The following GPR162 variants were observed in gnomAD, a reference collection of about 807,000 sequenced individuals.
The protein encoded by GPR162 is probable G protein-coupled receptor 162.
A neutral mutation model predicts 44.9 loss-of-function variants in GPR162; 26 were observed. The ratio of observed to expected loss-of-function variants is 0.58; its 90% CI spans 0.42 to 0.80. The LOEUF (loss-of-function observed/expected upper bound fraction) is 0.80, where lower values mean the gene tolerates loss of function less well. GPR162 is among the 30% of genes least tolerant of loss of function. The pLI is 0.00. For missense variants in GPR162, 704 were observed against 802.3 expected, an observed-to-expected ratio of 0.88 and a Z score of 1.48; for synonymous variants, 363 against 335.2, an observed-to-expected ratio of 1.08 and a Z score of -0.91.
chr12:6,825,732 G>A lies in GPR162; in HGVS notation c.1057+59G>A, dbSNP rs1943345682. On this transcript the variant is annotated intron_variant, in intron 3 of 4. Coordinates refer to ENST00000311268, the MANE Select transcript of GPR162 (RefSeq NM_019858.2). ...ACATCTGTCTATTCCCTTTTCTGCC[G>A]CTCCTTCTCAGCCAGAGGATGGGCT... 12 of 1,426,114 alleles carry A rather than the reference G, an allele frequency of 8.4e-6. No homozygotes were observed. In the South Asian group the frequency reaches 1.5e-4, roughly 18 times the overall value. 88.3% of individuals were successfully genotyped at this position (1,426,114 alleles called of 1,614,324 possible).
rs1384227676 is a variant in GPR162 at position 6,822,239 on chromosome 12, T to C, written c.-432+339T>C. 3.3e-5 allele frequency among the ~76,000 whole-genome samples: 5 copies of C among 152,006 alleles called. No individual in the cohort carries two copies. Among genetic ancestry groups the C allele is most frequent in the Non-Finnish European group, 5.9e-5 (4 of 67,972 alleles). The stretch of plus-strand genomic sequence containing the variant: ...CCTGAGCCCACCAGCTGGGCCTGGG[T>C]GGAGGTGGGTGGGAAGGGGTCCAGG... On this transcript the variant is annotated intron_variant, in intron 1 of 4. Coordinates refer to ENST00000311268, the MANE Select transcript of GPR162 (RefSeq NM_019858.2). This position sits in a 1 kb window ranked among gnomAD's most constrained non-coding sequence, Gnocchi z 4.2.
At position 6,826,756 on chromosome 12, in the gene GPR162, G is replaced by A. The variant is rs202234706; in HGVS notation, c.1319G>A (p.Arg440Gln). ...LHKWSSSDDI[R>Q]VLPAQSRALG... ...AAGTGGTCATCCTCTGATGACATCC[G>A]GGTCCTCCCAGCCCAGAGCCGGGCC... is the stretch of plus-strand genomic sequence containing the variant. The change falls in exon 5 of 5, where the codon CGG becomes CAG. Residue 440 changes from arginine (R) to glutamine (Q), a missense_variant. Around this residue, in one of 6 missense-constraint regions of GPR162, gnomAD observed 404 missense variants for 314.1 expected, o/e 1.29. Coordinates refer to ENST00000311268, the MANE Select transcript of GPR162 (RefSeq NM_019858.2). The A allele has an allele frequency of 1.8e-5, 29 of 1,604,676 alleles. No individual in the cohort carries two copies. The highest frequency in any genetic ancestry group is 1.2e-4 in the Admixed American group (7 of 58,246).
At position 6,824,880 on chromosome 12, in the gene GPR162, T is replaced by A. The variant is rs1437749186; in HGVS notation, c.867+115T>A. ...CTCCGTCATCTCTCCTCCAGTTCCATCATCCATCTTCCTCTCCTCTGTCCA... is the reference window on the plus strand; with the variant it reads ...CTCCGTCATCTCTCCTCCAGTTCCAACATCCATCTTCCTCTCCTCTGTCCA... On this transcript the variant is annotated intron_variant, in intron 2 of 4. Transcript: ENST00000311268. 4 of 816,848 alleles carry A rather than the reference T, an allele frequency of 4.9e-6. No individual in the cohort carries two copies. The African/African-American group carries it at 6.7e-5, about 14-fold the overall frequency. 50.6% of individuals were successfully genotyped at this position (816,848 alleles called of 1,614,324 possible).
rs782191370 is a variant in GPR162 at position 6,825,466 on chromosome 12, G to A, written c.868-18G>A. Reference sequence around the variant, plus strand: ...CTCAGCTCTGGCCCTGACCCAGCCCGCTCCCACCCTTCCCCAGGTGGTGAG... The same window carrying A: ...CTCAGCTCTGGCCCTGACCCAGCCCACTCCCACCCTTCCCCAGGTGGTGAG... On this transcript the variant is annotated intron_variant, in intron 2 of 4. Coordinates refer to ENST00000311268, the MANE Select transcript of GPR162 (RefSeq NM_019858.2). 2.5e-5 allele frequency: 40 copies of A among 1,576,500 alleles called. No individual in the cohort carries two copies. Among genetic ancestry groups the A allele is most frequent in the East Asian group, 2.5e-4 (11 of 43,534 alleles).
Position 6,826,255 on chromosome 12 carries a change from G to C in GPR162, c.1117G>C (p.Gly373Arg), listed in dbSNP as rs782634175. Reference sequence around the variant, plus strand: ...TTGCAAAGTTCGCTTTGATGCTAACGGAGCCACAGGACCAGGGAGCCGGGA... The same window carrying C: ...TTGCAAAGTTCGCTTTGATGCTAACCGAGCCACAGGACCAGGGAGCCGGGA... Reference protein sequence around the residue: ...RVCKVRFDANGATGPGSRDPA... With the variant: ...RVCKVRFDANRATGPGSRDPA... Residue 373 changes from glycine (G) to arginine (R), a missense_variant, in exon 4 of 5, where the codon GGA (glycine) becomes CGA (arginine). Gly to Arg is a moderately radical substitution (Grantham distance 125). Around this residue, in one of 6 missense-constraint regions of GPR162, gnomAD observed 404 missense variants for 314.1 expected, o/e 1.29. Coordinates refer to ENST00000311268, the MANE Select transcript of GPR162 (RefSeq NM_019858.2). 1.2e-6 allele frequency: 2 copies of C among 1,613,854 alleles called. No individual in the cohort carries two copies. Among genetic ancestry groups the C allele is most frequent in the African/African-American group, 1.3e-5 (1 of 74,912 alleles).
chr12:6,826,586 C>T (rs1397051299), intron 4 of GPR162, 67 bp from the exon 5 acceptor site: 17 of 1,395,626 alleles, frequency 1.2e-5, no homozygotes, highest in Admixed American at 2.3e-5. Flanking sequence ...TCCGGAGTCC[C>T]CACTTGGTTC....
At position 6,826,803 on chromosome 12, in the gene GPR162, C is replaced by T. The variant is rs372753671; in HGVS notation, c.1366C>T (p.Leu456=). ...GGCCCTCGGGGGTCCTCCTGAGTAC[C>T]TGGGACAAAGACACAGGTTGGAGGA... is the stretch of plus-strand genomic sequence containing the variant. The part of the protein sequence containing the change: ...SRALGGPPEY[L]GQRHRLEDEE... Residue 456 remains leucine, a synonymous_variant, in exon 5 of 5, where the codon CTG becomes TTG. Coordinates refer to ENST00000311268, the MANE Select transcript of GPR162 (RefSeq NM_019858.2). 2.0e-5 allele frequency: 33 copies of T among 1,610,264 alleles called. No individual in the cohort carries two copies. Among genetic ancestry groups the T allele is most frequent in the African/African-American group, 2.7e-5 (2 of 74,824 alleles).
In GPR162 at chr12:6,822,469, A is replaced by G. The variant is rs1041304085; in HGVS notation, c.-432+569A>G. On this transcript the variant is annotated intron_variant, in intron 1 of 4. Coordinates refer to ENST00000311268, the MANE Select transcript of GPR162 (RefSeq NM_019858.2). This position sits in a 1 kb window ranked among gnomAD's most constrained non-coding sequence, Gnocchi z 4.2. Reference sequence around the variant, plus strand: ...CACTGCTGTGCCCCATTTTTACCCCACTTACCCTAAAGCCATTATGTGCTT... The same window carrying G: ...CACTGCTGTGCCCCATTTTTACCCCGCTTACCCTAAAGCCATTATGTGCTT... Among the ~76,000 whole-genome samples, 2 of 151,936 alleles carry G rather than the reference A, an allele frequency of 1.3e-5. No homozygotes were observed. Among genetic ancestry groups the G allele is most frequent in the African/African-American group, 4.8e-5 (2 of 41,322 alleles).
intron 2 of GPR162, chr12:6,825,155 G>A (rs1221227263): frequency 1.1e-5 from 6 of 531,754 alleles, no homozygotes; most frequent in African/African-American, 9.6e-5. Flanking sequence ...TGGTCTCTGA[G>A]CACTCTTGGC....
In GPR162 at chr12:6,826,350, A is replaced by G. The variant is rs1439759662; in HGVS notation, c.1212A>G (p.Leu404=). ...LFPPLERVHY[L]QVPLSRRLSH... ...CTCCTCTTGAGAGAGTCCACTACTTACAGGTATGGAACTGGGGGATACATC... is the reference window on the plus strand; with the variant it reads ...CTCCTCTTGAGAGAGTCCACTACTTGCAGGTATGGAACTGGGGGATACATC... The change falls in exon 4 of 5, where the codon TTA becomes TTG. Residue 404 remains leucine (L), a synonymous_variant. Transcript: ENST00000311268. 13 of 1,611,492 alleles carry G rather than the reference A, an allele frequency of 8.1e-6. No homozygotes were observed. The highest frequency in any genetic ancestry group is 1.0e-5 in the Non-Finnish European group (12 of 1,179,088).
At chr12:6,825,460 C>G (rs781871861) in intron 2 of GPR162, 24 bp from the exon 3 acceptor site, 1 of 1,557,424 alleles carries the variant, frequency 6.4e-7, no homozygotes, top group East Asian at 2.3e-5. Context: ...GGCCCTGACC[C>G]AGCCCGCTCC....
chr12:6,824,515 T>C lies in GPR162; in HGVS notation c.617T>C (p.Leu206Pro). The C allele has an allele frequency of 1.3e-6, 2 of 1,520,994 alleles. No homozygotes were observed. The highest frequency in any genetic ancestry group is 1.8e-6 in the Non-Finnish European group (2 of 1,126,892). The allele number at this position is 1,520,994 out of a possible 1,614,324, so 94.2% of individuals were successfully genotyped here. A position where few individuals can be genotyped will look rare whatever the true frequency, so the allele number is the denominator to read the frequency against. ...GTGGCCATCACCTTCTACCAGACAC[T>C]GTGGGCCCGGCCCCGGAGGGCTCGG... ...VCVAITFYQT[L>P]WARPRRARQA... Residue 206 changes from leucine to proline, a missense_variant, in exon 2 of 5, where the codon CTG becomes CCG. Physicochemically the swap from Leu to Pro is moderately conservative, Grantham distance 98 (BLOSUM62 -3). Around this residue, in one of 6 missense-constraint regions of GPR162, gnomAD observed 12 missense variants for 46.6 expected, o/e 0.26. Transcript: ENST00000311268.
rs1555120191 is a variant in GPR162 at position 6,826,752 on chromosome 12, A to G, written c.1315A>G (p.Ile439Val). The change falls in exon 5 of 5, where the codon ATC becomes GTC. Residue 439 changes from isoleucine (I) to valine (V), a missense_variant. Transcript: ENST00000311268. ...FLHKWSSSDD[I>V]RVLPAQSRAL... is the part of the protein sequence containing the mutation. The stretch of plus-strand genomic sequence containing the variant: ...GCACAAGTGGTCATCCTCTGATGAC[A>G]TCCGGGTCCTCCCAGCCCAGAGCCG... The G allele has an allele frequency of 1.2e-6, 2 of 1,604,422 alleles. No homozygotes were observed. Among genetic ancestry groups the G allele is most frequent in the East Asian group, 2.2e-5 (1 of 44,802 alleles).
chr12:6,822,536 T>C lies in GPR162; in HGVS notation c.-432+636T>C, dbSNP rs1264813664. Reference sequence around the variant, plus strand: ...TGTTCAGGGTTTCACCCGATTCCCTTACCCCCCTTCCCAGGGCTCACTGAA... The same window carrying C: ...TGTTCAGGGTTTCACCCGATTCCCTCACCCCCCTTCCCAGGGCTCACTGAA... On this transcript the variant is annotated intron_variant, in intron 1 of 4. Transcript: ENST00000311268. This position sits in a 1 kb window ranked among gnomAD's most constrained non-coding sequence, Gnocchi z 4.2. 1.3e-5 allele frequency among the ~76,000 whole-genome samples: 2 copies of C among 152,064 alleles called. No individual in the cohort carries two copies. Among genetic ancestry groups the C allele is most frequent in the East Asian group, 3.9e-4 (2 of 5,174 alleles).
At position 6,826,968 on chromosome 12, in the gene GPR162, G is replaced by C. The variant is rs1943370024; in HGVS notation, c.1531G>C (p.Glu511Gln). The C allele has an allele frequency of 1.9e-6, 3 of 1,613,360 alleles. No homozygotes were observed. The East Asian group carries it at 6.7e-5, about 36-fold the overall frequency. ...GGAGGAGATCACCACCTTCATCGATGAGACACCTCTGCCTTCTCCGACTGC... is the reference window on the plus strand; with the variant it reads ...GGAGGAGATCACCACCTTCATCGATCAGACACCTCTGCCTTCTCCGACTGC... ...FREEITTFID[E>Q]TPLPSPTASP... The change falls in exon 5 of 5, where the codon GAG becomes CAG. Residue 511 changes from glutamate to glutamine, a missense_variant. Physicochemically the swap from Glu to Gln is conservative, Grantham distance 29 (BLOSUM62 2). Transcript: ENST00000311268.
In GPR162 at chr12:6,827,118, T is replaced by C. The variant is rs782057855; in HGVS notation, c.1681T>C (p.Ser561Pro). 1.2e-6 allele frequency: 2 copies of C among 1,612,996 alleles called. No homozygotes were observed. The highest frequency in any genetic ancestry group is 3.3e-5 in the Admixed American group (2 of 60,030). ...GGGACTAAGCGCAGGGAGACGCTGC[T>C]CCCTGACGGGGGGTGAAGAAAGTGC... is the stretch of plus-strand genomic sequence containing the variant. ...PLGLSAGRRC[S>P]LTGGEESARA... is the part of the protein sequence containing the mutation. Residue 561 changes from serine (S) to proline (P), a missense_variant, in exon 5 of 5, where the codon TCC becomes CCC. By Grantham distance (74) the Ser-to-Pro change is moderately conservative. Coordinates refer to ENST00000311268, the MANE Select transcript of GPR162 (RefSeq NM_019858.2).
chr12:6,826,056 T>C (rs1943350047), intron 3 of GPR162, 140 bp from the exon 4 acceptor site: 2 of 666,462 alleles, frequency 3.0e-6, no homozygotes, highest in South Asian at 1.8e-5. Context: ...ACGCAGCAAA[T>C]GCTAGCCACT....
chr12:6,824,397 G>A lies in GPR162; in HGVS notation c.499G>A (p.Gly167Ser). Residue 167 changes from glycine (G) to serine (S), a missense_variant, in exon 2 of 5, where the codon GGC becomes AGC. Physicochemically the swap from Gly to Ser is moderately conservative, Grantham distance 56. This residue lies in a region of GPR162 where 110 missense variants were observed against 206.2 expected (regional missense o/e 0.53). Coordinates refer to ENST00000311268, the MANE Select transcript of GPR162 (RefSeq NM_019858.2). ...HNNGERYYAR[G>S]CQFIVSKIGL... Reference sequence around the variant, plus strand: ...CAACGGCGAGCGCTACTATGCCCGCGGCTGCCAGTTCATAGTCTCCAAGAT... The same window carrying A: ...CAACGGCGAGCGCTACTATGCCCGCAGCTGCCAGTTCATAGTCTCCAAGAT... 6.2e-7 allele frequency: 1 copy of A among 1,614,190 alleles called. No homozygotes were observed. The highest frequency in any genetic ancestry group is 8.5e-7 in the Non-Finnish European group (1 of 1,180,038).
Position 6,826,302 on chromosome 12 carries a change from G to A in GPR162, c.1164G>A (p.Leu388=), listed in dbSNP as rs1943354829. Residue 388 remains leucine, a synonymous_variant, in exon 4 of 5, where the codon CTG becomes CTA. Coordinates refer to ENST00000311268, the MANE Select transcript of GPR162 (RefSeq NM_019858.2). ...GGGACCCCGCCCAGGTGAAGCTGCT[G>A]CCTGGAAGGCACATGCTCTTCCCTC... ...GSRDPAQVKL[L]PGRHMLFPPL... The A allele has an allele frequency of 2.5e-6, 4 of 1,613,796 alleles. No individual in the cohort carries two copies. Among genetic ancestry groups the A allele is most frequent in the Non-Finnish European group, 3.4e-6 (4 of 1,179,990 alleles).
Sources: allele counts gnomAD v4.1 joint callset (sites outside exome capture counted in the v4.1 genomes callset), GRCh38; gene constraint gnomAD v4.1.1; regional missense constraint gnomAD v4.1.1; non-coding constraint Gnocchi (gnomAD v3.1); transcripts MANE v1.5; gene names NCBI Gene and HGNC (gene_info 2026-07-23, HGNC 2026-07-21).